Variants in PRUNE2 observed in about 807,000 individuals in gnomAD.
The protein encoded by PRUNE2 is protein prune homolog 2.
PRUNE2 carries 164 observed loss-of-function variants against 252.0 expected under a neutral mutation model. The observed-to-expected ratio is 0.65, with a 90% CI of 0.57 to 0.74. The LOEUF (loss-of-function observed/expected upper bound fraction) is 0.74. PRUNE2 is among the 30% of genes least tolerant of loss of function. The pLI, the probability that PRUNE2 is intolerant of heterozygous loss-of-function variation, is 0.00. For missense variants in PRUNE2, 3,495 were observed against 3,711.0 expected (o/e 0.94, Z 1.51); for synonymous variants, 1,292 against 1,350.2 (o/e 0.96, Z 0.94).
At chr9:76,740,020 G>T (rs147459524) in intron 6 of PRUNE2, 1 of 152,170 alleles carries the variant, frequency 6.6e-6, no homozygotes, top group East Asian at 1.9e-4. Context: ...GGGAGGTGGA[G>T]GTTGCAGCGA....
At chr9:76,701,459 C>G (rs1198401530) in intron 9 of PRUNE2, among the ~76,000 whole-genome samples, 1 of 152,194 alleles carries the variant, frequency 6.6e-6, no homozygotes, top group African/African-American at 2.4e-5. Flanking sequence ...TGACTGTCAT[C>G]TGTTGGATCT....
intron 6 of PRUNE2, among the ~76,000 whole-genome samples, chr9:76,747,977 T>A (rs1042043394): frequency 1.2e-4 from 19 of 152,106 alleles, no homozygotes; most frequent in African/African-American, 4.6e-4. Context: ...GTATTTTTTT[T>A]AGTAGAGACG....
intron 1 of PRUNE2, among the ~76,000 whole-genome samples, chr9:76,901,362 G>A (rs922236730): frequency 1.3e-5 from 2 of 152,124 alleles, no homozygotes; most frequent in African/African-American, 4.8e-5. Context: ...ACCTGCCCTG[G>A]TTTGCAATGG....
At chr9:76,657,742 C>T (rs1487573170) in intron 9 of PRUNE2, among the ~76,000 whole-genome samples, 3 of 152,190 alleles carry the variant, frequency 2.0e-5, no homozygotes, top group Non-Finnish European at 4.4e-5. Context: ...AAACATAGTA[C>T]AGGAGCAGTG....
At chr9:76,798,925 C>T (rs1322038372) in intron 6 of PRUNE2, among the ~76,000 whole-genome samples, 12 of 152,190 alleles carry the variant, frequency 7.9e-5, no homozygotes, top group Admixed American at 5.9e-4. Flanking sequence ...GGAAAAGGGA[C>T]ACAAGTTACT....
intron 4 of PRUNE2, among the ~76,000 whole-genome samples, chr9:76,835,663 G>A (rs920970279): frequency 2.0e-5 from 3 of 151,982 alleles, no homozygotes; most frequent in Non-Finnish European, 2.9e-5. Flanking sequence ...CTCCGTCTTC[G>A]TAAGCAAAAC....
At chr9:76,849,267 G>A (rs541727131) in intron 3 of PRUNE2, among the ~76,000 whole-genome samples, 38 of 152,198 alleles carry the variant, frequency 2.5e-4, no homozygotes, top group Middle Eastern at 3.4e-3. Flanking sequence ...TTTCTTGTCC[G>A]TAAAATAAAA....
intron 6 of PRUNE2, among the ~76,000 whole-genome samples, chr9:76,743,264 T>C (rs1376463243): frequency 6.6e-6 from 1 of 152,196 alleles, no homozygotes; most frequent in African/African-American, 2.4e-5. Context: ...AATGGACTAA[T>C]ACAGAGAGCT....
At chr9:76,768,571 ATATGTATATG>A (rs1347625336) in intron 6 of PRUNE2, among the ~76,000 whole-genome samples, 1 of 120,148 alleles carries the variant, frequency 8.3e-6, no homozygotes, top group Non-Finnish European at 1.8e-5. Flanking sequence ...GTTGATATAT[ATATGTATATG>A]TATGTGTGTG....
intron 4 of PRUNE2, among the ~76,000 whole-genome samples, chr9:76,838,645 C>CAAAAAAAAAAAAAAAAA (rs10540002): frequency 1.2e-5 from 1 of 84,654 alleles, no homozygotes; most frequent in Non-Finnish European, 2.4e-5. Flanking sequence ...AACTCTGTCT[C>CAAAAAAAAAAAAAAAAA]AAAAAAAAAA....
chr9:76,682,362 CT>C (rs34870489), intron 9 of PRUNE2, among the ~76,000 whole-genome samples: 30 of 136,058 alleles, frequency 2.2e-4, no homozygotes, highest in African/African-American at 4.8e-4. Flanking sequence ...TCACTATTAA[CT>C]TTTTTTTTTT....
At chr9:76,626,402 C>A (rs531632529) in intron 16 of PRUNE2, among the ~76,000 whole-genome samples, 2 of 152,194 alleles carry the variant, frequency 1.3e-5, no homozygotes, top group South Asian at 2.1e-4. Flanking sequence ...TGGCTCGTAT[C>A]CATTTGAAAT....
intron 9 of PRUNE2, among the ~76,000 whole-genome samples, chr9:76,684,248 C>T (rs925394207): frequency 7.9e-5 from 12 of 152,154 alleles, no homozygotes; most frequent in Admixed American, 2.6e-4. Context: ...TTCCTTCATC[C>T]GCTTTCCAGT....
At chr9:76,823,293 G>T in intron 6 of PRUNE2, 1 of 200,768 alleles carries the variant, frequency 5.0e-6, no homozygotes, top group Non-Finnish European at 1.0e-5. Flanking sequence ...ACAATACAGG[G>T]TGGTACACAG....
intron 6 of PRUNE2, among the ~76,000 whole-genome samples, chr9:76,723,698 T>C (rs1462239559): frequency 1.3e-5 from 2 of 152,196 alleles, no homozygotes; most frequent in East Asian, 1.9e-4. Context: ...TGCCCTCTTT[T>C]GAGTTGAAGA....
rs1389938594 is a variant in PRUNE2 at position 76,613,375 on chromosome 9, T to C, written c.*1195A>G. 6.6e-6 allele frequency: 1 copy of C among 152,342 alleles called. No homozygotes were observed. The highest frequency in any genetic ancestry group is 1.9e-4 in the East Asian group (1 of 5,188). 9.4% of individuals were successfully genotyped at this position (152,342 alleles called of 1,614,324 possible). A position where few individuals can be genotyped will look rare whatever the true frequency, so the allele number is the denominator to read the frequency against. ...CAGCTCTGCGGCTGTAGTGTGAAAG[T>C]AGCTGTAGACAGTACAAAAACAAGT... is the stretch of plus-strand genomic sequence containing the variant. On this transcript the variant is annotated 3_prime_UTR_variant, in exon 19 of 19. Coordinates refer to ENST00000376718, the MANE Select transcript of PRUNE2 (RefSeq NM_015225.3).
chr9:76,637,020 G>C (rs1840462597), intron 14 of PRUNE2, among the ~76,000 whole-genome samples: 1 of 121,082 alleles, frequency 8.3e-6, no homozygotes, highest in Non-Finnish European at 1.8e-5. Flanking sequence ...TATAATTTTA[G>C]GGAGTTCTAT....
chr9:76,638,154 A>T, intron 13 of PRUNE2, 32 bp downstream of exon 13: 2 of 1,392,406 alleles, frequency 1.4e-6, no homozygotes, highest in Non-Finnish European at 2.0e-6. Context: ...ACAGACATTA[A>T]CTCAAAGCAC....
intron 1 of PRUNE2, among the ~76,000 whole-genome samples, chr9:76,871,155 C>T (rs190461979): frequency 6.7e-6 from 1 of 148,804 alleles, no homozygotes; most frequent in East Asian, 1.9e-4. Flanking sequence ...TGCCAGTCAT[C>T]CATATCCCTG....
Sources: allele counts gnomAD v4.1 joint callset (sites outside exome capture counted in the v4.1 genomes callset), GRCh38; gene constraint gnomAD v4.1.1; transcripts MANE v1.5; gene names NCBI Gene and HGNC (gene_info 2026-07-23, HGNC 2026-07-21).